The following TRDMT1 variants were observed in gnomAD, a reference collection of about 807,000 sequenced individuals.
The protein encoded by TRDMT1 is tRNA aspartic acid methyltransferase 1.
In TRDMT1, 49 loss-of-function variants were observed where a neutral mutation model predicts 51.2. The observed-to-expected ratio is 0.96, with a 90% CI of 0.76 to 1.21. TRDMT1 has a LOEUF of 1.21. Among genes scored for constraint, TRDMT1 ranks in the 50% most tolerant of loss-of-function variants. TRDMT1 has a pLI of 0.00. For missense variants in TRDMT1, 534 were observed against 462.3 expected (o/e 1.16, Z -1.42); for synonymous variants, 187 against 164.6 (o/e 1.14, Z -1.04).
chr10:17,182,779 C>T (rs1182566587), intron 1 of TRDMT1, among the ~76,000 whole-genome samples: 2 of 152,156 alleles, frequency 1.3e-5, no homozygotes, highest in African/African-American at 4.8e-5. Context: ...CTCATCAATT[C>T]TTACAAAGCT....
rs79116150 is a variant in TRDMT1 at position 17,189,676 on chromosome 10, G to C, written c.64+11895C>G. ...ACTTTATTACCATCTAAACCTTAGC[G>C]ATCTATTAAAGTTTAGCATAGTTTT... On this transcript the variant is annotated intron_variant, in intron 1 of 10. Transcript: ENST00000377799. 6.4e-3 allele frequency among the ~76,000 whole-genome samples: 967 copies of C among 152,152 alleles called. 15 individuals are homozygous for C. Among genetic ancestry groups the C allele is most frequent in the African/African-American group, 0.022 (903 of 41,520 alleles).
intron 1 of TRDMT1, among the ~76,000 whole-genome samples, chr10:17,186,595 A>T (rs1843963716): frequency 2.0e-5 from 3 of 152,306 alleles, no homozygotes; most frequent in Non-Finnish European, 4.4e-5. Flanking sequence ...TGATTTTAAG[A>T]CTTCTGACCT....
Position 17,146,893 on chromosome 10 carries a change from G to T in TRDMT1, c.*2147C>A. 1 of 981,652 alleles carries T rather than the reference G, an allele frequency of 1.0e-6. No homozygotes were observed. Among genetic ancestry groups the T allele is most frequent in the East Asian group, 1.1e-4 (1 of 8,810 alleles). 60.8% of individuals were successfully genotyped at this position (981,652 alleles called of 1,614,324 possible). On this transcript the variant is annotated 3_prime_UTR_variant, in exon 11 of 11. Transcript: ENST00000377799. ...CTGGTAGATACATCTTCATTAAGAT[G>T]TGAGTTTTATGCTTGTTACTGCATA...
chr10:17,161,001 G>T (rs73604285), intron 5 of TRDMT1, among the ~76,000 whole-genome samples: 1 of 152,084 alleles, frequency 6.6e-6, no homozygotes. Context: ...TATCTTCAAG[G>T]TGGCCAGTCA....
At position 17,138,960 on chromosome 10, in the gene TRDMT1, T is replaced by C. The variant is rs1306050297; in HGVS notation, c.*10080A>G. On this transcript the variant is annotated 3_prime_UTR_variant, in exon 11 of 11. Coordinates refer to ENST00000377799, the MANE Select transcript of TRDMT1 (RefSeq NM_004412.7). ...CAAATGTTACAGAAAACATAAAATA[T>C]GCACTGGAGGGTCTCGCATCATTAT... Among the ~76,000 whole-genome samples, 5 of 152,132 alleles carry C rather than the reference T, an allele frequency of 3.3e-5. No individual in the cohort carries two copies. Among genetic ancestry groups the C allele is most frequent in the Non-Finnish European group, 7.4e-5 (5 of 68,022 alleles).
chr10:17,181,001 T>C (rs1409362666), intron 1 of TRDMT1, among the ~76,000 whole-genome samples: 1 of 152,222 alleles, frequency 6.6e-6, no homozygotes, highest in Non-Finnish European at 1.5e-5. Flanking sequence ...TTTCTAGTTA[T>C]ACTATCTCTA....
rs1837878963 is a variant in TRDMT1, at chr10:17,143,827, A to G, written c.*5213T>C. 1.0e-6 allele frequency: 1 copy of G among 985,478 alleles called. No homozygotes were observed. The highest frequency in any genetic ancestry group is 4.7e-5 in the South Asian group (1 of 21,288). 61.0% of individuals were successfully genotyped at this position (985,478 alleles called of 1,614,324 possible). A position where few individuals can be genotyped will look rare whatever the true frequency, so the allele number is the denominator to read the frequency against. The stretch of plus-strand genomic sequence containing the variant: ...TGGTTATGAAGCTTGAACTTGGAAG[A>G]TGTGGAGACTAACCGTACCATAAAT... On this transcript the variant is annotated 3_prime_UTR_variant, in exon 11 of 11. Transcript: ENST00000377799.
chr10:17,169,408 T>G, intron 2 of TRDMT1: 1 of 1,286,552 alleles, frequency 7.8e-7, no homozygotes, highest in South Asian at 1.2e-5. Flanking sequence ...GAAAAGGGCC[T>G]CATTCTCAGA....
At chr10:17,172,666 C>G (rs897019092) in intron 2 of TRDMT1, among the ~76,000 whole-genome samples, 2 of 152,062 alleles carry the variant, frequency 1.3e-5, no homozygotes, top group Non-Finnish European at 2.9e-5. Context: ...AAACTTTGAT[C>G]TAAAACACAA....
At chr10:17,191,963 G>A (rs528164415) in intron 1 of TRDMT1, among the ~76,000 whole-genome samples, 8 of 152,176 alleles carry the variant, frequency 5.3e-5, no homozygotes, top group African/African-American at 7.2e-5. Context: ...GGTCAAGCTC[G>A]GCCATCACCC....
chr10:17,175,417 A>G (rs1391212249), intron 1 of TRDMT1, among the ~76,000 whole-genome samples: 2 of 152,150 alleles, frequency 1.3e-5, no homozygotes, highest in Non-Finnish European at 2.9e-5. Context: ...CCGAAATTGG[A>G]ACTCCACAAT....
rs1157120704 is a variant in TRDMT1, at chr10:17,145,878, A to G, written c.*3162T>C. ...TTCTTTGTTCTGTTCTGCTATGGCTAAAATTAAATCAGTTGTATTTATCTT... is the reference window on the plus strand; with the variant it reads ...TTCTTTGTTCTGTTCTGCTATGGCTGAAATTAAATCAGTTGTATTTATCTT... On this transcript the variant is annotated 3_prime_UTR_variant, in exon 11 of 11. Coordinates refer to ENST00000377799, the MANE Select transcript of TRDMT1 (RefSeq NM_004412.7). The G allele has an allele frequency of 2.0e-6, 2 of 985,368 alleles. No individual in the cohort carries two copies. The highest frequency in any genetic ancestry group is 2.4e-6 in the Non-Finnish European group (2 of 829,944). The allele number at this position is 985,368 out of a possible 1,614,324, so 61.0% of individuals were successfully genotyped here.
At chr10:17,152,120 T>C (rs1488663792) in intron 10 of TRDMT1, 1 of 1,279,242 alleles carries the variant, frequency 7.8e-7, no homozygotes, top group East Asian at 5.6e-5. Context: ...GAAAAAAAAA[T>C]AGTAGCTAGG....
intron 1 of TRDMT1, among the ~76,000 whole-genome samples, chr10:17,185,012 A>C (rs1004170175): frequency 1.3e-5 from 2 of 152,120 alleles, no homozygotes; most frequent in Non-Finnish European, 2.9e-5. Flanking sequence ...TGATTTAGGC[A>C]AGTTTCTTTG....
At position 17,148,993 on chromosome 10, in the gene TRDMT1, G is replaced by T. The variant is rs372734524; in HGVS notation, c.*47C>A. 3.3e-6 allele frequency: 5 copies of T among 1,511,014 alleles called. No homozygotes were observed. Among genetic ancestry groups the T allele is most frequent in the Non-Finnish European group, 4.4e-6 (5 of 1,125,674 alleles). The allele number at this position is 1,511,014 out of a possible 1,614,324, so 93.6% of individuals were successfully genotyped here. On this transcript the variant is annotated 3_prime_UTR_variant, in exon 11 of 11. Transcript: ENST00000377799. ...AAACAGAATTTCAGAATTACTCTCT[G>T]AAAATGAAGGAATATCATATGACCA...
chr10:17,188,519 C>T (rs1564337044), intron 1 of TRDMT1, among the ~76,000 whole-genome samples: 1 of 152,174 alleles, frequency 6.6e-6, no homozygotes, highest in Non-Finnish European at 1.5e-5. Flanking sequence ...CCTGCTCCCA[C>T]AGAGCTTCAC....
At chr10:17,151,964 C>G in intron 10 of TRDMT1, 1 of 1,266,558 alleles carries the variant, frequency 7.9e-7, no homozygotes, top group Non-Finnish European at 1.0e-6. Context: ...GCTCTGTGCT[C>G]CTTACCAAGG....
chr10:17,159,257 C>T, intron 6 of TRDMT1, 28 bp from the exon 7 acceptor site: 2 of 1,539,808 alleles, frequency 1.3e-6, no homozygotes, highest in Non-Finnish European at 1.8e-6. Flanking sequence ...CAGTTAGTTA[C>T]TCTAAAAAAT....
chr10:17,153,077 C>T (rs1158200095), intron 10 of TRDMT1: 2 of 204,740 alleles, frequency 9.8e-6, no homozygotes, highest in African/African-American at 2.3e-5. Context: ...TACCAATACA[C>T]CCCCACCCTT....
Sources: gnomAD v4.1 joint callset for allele counts (sites outside exome capture counted in the v4.1 genomes callset) on GRCh38, gnomAD v4.1.1 for gene constraint, MANE v1.5 for transcripts, NCBI Gene and HGNC (gene_info 2026-07-23, HGNC 2026-07-21) for gene names.